PRKN: variants seen among roughly 807,000 people sequenced by gnomAD.
PRKN encodes the protein E3 ubiquitin-protein ligase parkin.
In PRKN, 56 loss-of-function variants were observed where a neutral mutation model predicts 59.5. That is an observed-to-expected ratio of 0.94 (90% CI 0.76 to 1.18). The LOEUF is 1.18. Among genes scored for constraint, PRKN ranks in the 50% most tolerant of loss-of-function variants. The pLI is 0.00. For missense variants in PRKN, 657 were observed against 596.4 expected (o/e 1.10, Z -1.06); for synonymous variants, 250 against 222.1 (o/e 1.13, Z -1.12).
rs115556574 is a variant in PRKN, at chr6:161,526,841, A to G, written c.1083+22013T>C. Reference sequence around the variant, plus strand: ...CATACATATGCATGAGAGTCCCTCAAAATATAAGGCTCAAAGAAGGGGTAG... The same window carrying G: ...CATACATATGCATGAGAGTCCCTCAGAATATAAGGCTCAAAGAAGGGGTAG... On this transcript the variant is annotated intron_variant, in intron 9 of 11. Transcript: ENST00000366898. This position sits in a 1 kb window ranked among gnomAD's most constrained non-coding sequence, Gnocchi z 4.1. Among the ~76,000 whole-genome samples the G allele has an allele frequency of 1.9e-3, 285 of 152,324 alleles. 2 individuals carry two copies. Among genetic ancestry groups the G allele is most frequent in the African/African-American group, 6.6e-3 (276 of 41,568 alleles).
At chr6:161,387,231 T>A (rs371482274) in intron 9 of PRKN, among the ~76,000 whole-genome samples, 1 of 152,308 alleles carries the variant, frequency 6.6e-6, no homozygotes, top group East Asian at 1.9e-4. Context: ...GGGAAAGACC[T>A]GGTGGGAGGT....
chr6:162,555,247 CATG>C (rs965433545), intron 1 of PRKN, among the ~76,000 whole-genome samples: 3 of 152,064 alleles, frequency 2.0e-5, no homozygotes, highest in Non-Finnish European at 2.9e-5. Context: ...TGTTAACAAT[CATG>C]ATAATAGTAT....
intron 1 of PRKN, among the ~76,000 whole-genome samples, chr6:162,686,833 T>G (rs755753949): frequency 1.1e-4 from 17 of 152,186 alleles, no homozygotes; most frequent in Non-Finnish European, 2.1e-4. Context: ...CGTAGATATA[T>G]GGCTTTATTT....
intron 7 of PRKN, among the ~76,000 whole-genome samples, chr6:161,659,305 T>C (rs1232847016): frequency 2.0e-5 from 3 of 152,214 alleles, no homozygotes; most frequent in Admixed American, 6.5e-5. Flanking sequence ...CTTTTCTTAA[T>C]ATAGGAGTCC....
intron 2 of PRKN, among the ~76,000 whole-genome samples, chr6:162,308,238 C>T (rs1420095761): frequency 1.3e-5 from 2 of 152,060 alleles, no homozygotes; most frequent in African/African-American, 4.8e-5. Flanking sequence ...CATATTCATG[C>T]ATCTCTGCTA....
intron 5 of PRKN, among the ~76,000 whole-genome samples, chr6:162,004,525 T>C (rs1271974714): frequency 6.6e-6 from 1 of 152,226 alleles, no homozygotes; most frequent in Non-Finnish European, 1.5e-5. Flanking sequence ...TGCTTACTGC[T>C]TAATTATTTG....
At chr6:161,988,458 C>T (rs1454513003) in intron 5 of PRKN, among the ~76,000 whole-genome samples, 1 of 151,856 alleles carries the variant, frequency 6.6e-6, no homozygotes, top group Non-Finnish European at 1.5e-5. Context: ...TGCACTCCAG[C>T]CTGAGCAACA....
intron 4 of PRKN, among the ~76,000 whole-genome samples, chr6:162,094,202 A>G (rs1443492204): frequency 6.6e-6 from 1 of 152,124 alleles, no homozygotes; most frequent in East Asian, 1.9e-4. Flanking sequence ...GAAAAGTTGG[A>G]AAGGTGGCTG....
intron 2 of PRKN, among the ~76,000 whole-genome samples, chr6:162,287,072 A>G (rs773042194): frequency 6.6e-6 from 1 of 152,178 alleles, no homozygotes; most frequent in African/African-American, 2.4e-5. Flanking sequence ...ATTCTTCTCT[A>G]TTGTCTCCAA....
intron 6 of PRKN, among the ~76,000 whole-genome samples, chr6:161,805,153 C>G (rs897225115): frequency 6.6e-6 from 1 of 152,124 alleles, no homozygotes; most frequent in African/African-American, 2.4e-5. Context: ...AATTTTCTGC[C>G]TGGGCTACTG....
At chr6:162,033,735 C>T (rs561896970) in intron 5 of PRKN, among the ~76,000 whole-genome samples, 2 of 152,242 alleles carry the variant, frequency 1.3e-5, no homozygotes, top group South Asian at 4.1e-4. Flanking sequence ...AATTTTCAGA[C>T]ATTTGGAAAA....
At chr6:162,692,900 C>G (rs1777834598) in intron 1 of PRKN, among the ~76,000 whole-genome samples, 1 of 152,138 alleles carries the variant, frequency 6.6e-6, no homozygotes, top group Non-Finnish European at 1.5e-5. Context: ...CCATTGGTAT[C>G]TAGGATTCAA....
chr6:162,005,783 A>G (rs1340211388), intron 5 of PRKN, among the ~76,000 whole-genome samples: 4 of 152,024 alleles, frequency 2.6e-5, no homozygotes, highest in Non-Finnish European at 5.9e-5. Flanking sequence ...TTTGGGGGGA[A>G]AAAAGTTAAC....
chr6:162,471,845 C>G (rs1328069844), intron 1 of PRKN, among the ~76,000 whole-genome samples: 1 of 152,108 alleles, frequency 6.6e-6, no homozygotes, highest in Non-Finnish European at 1.5e-5. Flanking sequence ...TATTAGAACA[C>G]TAGTCTTTTT....
chr6:162,028,815 C>T (rs1452392045), intron 5 of PRKN, among the ~76,000 whole-genome samples: 1 of 152,176 alleles, frequency 6.6e-6, no homozygotes, highest in Non-Finnish European at 1.5e-5. Flanking sequence ...GTTTGACTGG[C>T]TTCAGGGTGA....
intron 2 of PRKN, among the ~76,000 whole-genome samples, chr6:162,373,641 T>A (rs771552644): frequency 2.0e-5 from 3 of 152,184 alleles, no homozygotes; most frequent in Non-Finnish European, 4.4e-5. Context: ...TATAGGAAAT[T>A]CTTAATACCC....
chr6:161,915,395 A>G (rs1475480230), intron 6 of PRKN, among the ~76,000 whole-genome samples: 3 of 152,250 alleles, frequency 2.0e-5, no homozygotes, highest in African/African-American at 7.2e-5. Flanking sequence ...TACAAAGAGA[A>G]TCATATTCAC....
At chr6:162,135,762 G>A (rs2128309173) in intron 4 of PRKN, among the ~76,000 whole-genome samples, 1 of 152,244 alleles carries the variant, frequency 6.6e-6, no homozygotes, top group East Asian at 1.9e-4. Flanking sequence ...AGGAATGGGG[G>A]AGGGGAGGGG....
chr6:161,601,364 C>T (rs549317511), intron 7 of PRKN, among the ~76,000 whole-genome samples: 2 of 152,266 alleles, frequency 1.3e-5, no homozygotes. Flanking sequence ...AAACAAGCTC[C>T]TTTGGGTCTA....
Sources: allele counts gnomAD v4.1 joint callset (sites outside exome capture counted in the v4.1 genomes callset), GRCh38; gene constraint gnomAD v4.1.1; non-coding constraint Gnocchi (gnomAD v3.1); transcripts MANE v1.5; gene names NCBI Gene and HGNC (gene_info 2026-07-23, HGNC 2026-07-21).